ANKS4B: variants seen among roughly 807,000 people sequenced by gnomAD.
The protein encoded by ANKS4B is ankyrin repeat and sterile alpha motif domain containing 4B.
Under a neutral mutation model 20.2 loss-of-function variants are expected in ANKS4B, and 21 were observed. The observed-to-expected ratio is 1.04, with a 90% CI of 0.74 to 1.50. ANKS4B has a LOEUF of 1.50. ANKS4B is among the 40% of genes most tolerant of loss of function. The probability of loss-of-function intolerance (pLI) is 0.00; values close to 1 mark genes in which losing one functional copy is unlikely to be tolerated. For synonymous variants in ANKS4B, 179 were observed against 194.5 expected, an observed-to-expected ratio of 0.92 and a Z score of 0.66; for missense variants, 473 against 494.6, an observed-to-expected ratio of 0.96 and a Z score of 0.41.
At chr16:21,247,070 CTTTT>C (rs766409434) in intron 1 of ANKS4B, among the ~76,000 whole-genome samples, 1 of 139,286 alleles carries the variant, frequency 7.2e-6, no homozygotes, top group Non-Finnish European at 1.6e-5. Flanking sequence ...TTTTGGTTTG[CTTTT>C]TTTTTTTTTT....
chr16:21,237,311 G>A (rs2093321410), intron 1 of ANKS4B, among the ~76,000 whole-genome samples: 1 of 152,126 alleles, frequency 6.6e-6, no homozygotes, highest in Non-Finnish European at 1.5e-5. Flanking sequence ...GTGAGCCACC[G>A]GGCCTGGCCA....
At chr16:21,242,034 TA>T (rs1335189632) in intron 1 of ANKS4B, among the ~76,000 whole-genome samples, 1 of 152,120 alleles carries the variant, frequency 6.6e-6, no homozygotes, top group Non-Finnish European at 1.5e-5. Flanking sequence ...CCCATCTCTA[TA>T]AAAAATAAAT....
Position 21,250,915 on chromosome 16 carries a change from G to C in ANKS4B, c.*95G>C, listed in dbSNP as rs2093338697. The C allele has an allele frequency of 6.7e-7, 1 of 1,483,332 alleles. No homozygotes were observed. 91.9% of individuals were successfully genotyped at this position (1,483,332 alleles called of 1,614,324 possible). A position where few individuals can be genotyped will look rare whatever the true frequency, so the allele number is the denominator to read the frequency against. Reference sequence around the variant, plus strand: ...TCTTTACCCAATGCCAGACCACTGGGAATGGATTCTAGGGCATCGGAAATG... The same window carrying C: ...TCTTTACCCAATGCCAGACCACTGGCAATGGATTCTAGGGCATCGGAAATG... On this transcript the variant is annotated 3_prime_UTR_variant, in exon 2 of 2. Transcript: ENST00000311620.
chr16:21,237,309 C>G (rs2093321399), intron 1 of ANKS4B, among the ~76,000 whole-genome samples: 1 of 152,208 alleles, frequency 6.6e-6, no homozygotes, highest in Non-Finnish European at 1.5e-5. Flanking sequence ...GTGTGAGCCA[C>G]CGGGCCTGGC....
chr16:21,235,539 G>T (rs960233084), intron 1 of ANKS4B, among the ~76,000 whole-genome samples: 1 of 152,194 alleles, frequency 6.6e-6, no homozygotes, highest in African/African-American at 2.4e-5. Context: ...AACAGTCGGA[G>T]AGAATGTTTG....
chr16:21,241,457 A>G (rs998019852), intron 1 of ANKS4B, among the ~76,000 whole-genome samples: 8 of 152,182 alleles, frequency 5.3e-5, no homozygotes, highest in Admixed American at 5.2e-4. Context: ...TCTGTCATCC[A>G]GGCTGGAGTG....
chr16:21,249,975 G>T lies in ANKS4B; in HGVS notation c.409G>T (p.Glu137Ter). ...MNPKKVTRLK[E>*]QAQKNARRQI... ...CCCCAAGAAGGTCACCAGGCTGAAG[G>T]AGCAGGCTCAGAAGAATGCCAGGAG... The change falls in exon 2 of 2, where the codon GAG (glutamate) becomes TAG (stop). Residue 137 changes from glutamate to a stop codon, truncating the protein, a stop_gained. Transcript: ENST00000311620. LOFTEE classifies it high-confidence loss of function. 6.2e-7 allele frequency: 1 copy of T among 1,614,210 alleles called. No homozygotes were observed. The highest frequency in any genetic ancestry group is 1.1e-5 in the South Asian group (1 of 91,076).
chr16:21,250,840 G>A lies in ANKS4B; in HGVS notation c.*20G>A. ...CTGTGATGGAGAGTTTTGGCCTGGA[G>A]CATTGGGGTGATGCTGTGGCCCGCT... is the stretch of plus-strand genomic sequence containing the variant. On this transcript the variant is annotated 3_prime_UTR_variant, in exon 2 of 2. Transcript: ENST00000311620. 6.4e-7 allele frequency: 1 copy of A among 1,567,122 alleles called. No individual in the cohort carries two copies. The highest frequency in any genetic ancestry group is 2.3e-5 in the East Asian group (1 of 44,110).
At chr16:21,243,431 G>A (rs2093328660) in intron 1 of ANKS4B, among the ~76,000 whole-genome samples, 1 of 152,174 alleles carries the variant, frequency 6.6e-6, no homozygotes, top group East Asian at 1.9e-4. Flanking sequence ...GTATGCAATG[G>A]TTCTATCAAG....
chr16:21,249,767 T>A lies in ANKS4B; in HGVS notation c.201T>A (p.Thr67=). The A allele has an allele frequency of 6.2e-7, 1 of 1,614,026 alleles. No homozygotes were observed. Among genetic ancestry groups the A allele is most frequent in the Non-Finnish European group, 8.5e-7 (1 of 1,179,960 alleles). Residue 67 remains threonine (T), a synonymous_variant, in exon 2 of 2, where the codon ACT becomes ACA. Coordinates refer to ENST00000311620, the MANE Select transcript of ANKS4B (RefSeq NM_145865.3). ...ATAGGTGTGACATCTGGGGAAACAC[T>A]CCTCTACATTTTGCAGCCTCCAATG... ...DPDRCDIWGN[T]PLHFAASNGH...
chr16:21,237,241 G>A lies in ANKS4B; in HGVS notation c.164+3340G>A, dbSNP rs185441554. On this transcript the variant is annotated intron_variant, in intron 1 of 1. Transcript: ENST00000311620. ...TCACCATGTTGGCCAGGCTGGTCTCGAACTCCTGACCTCAGGTGATTTGCC... is the reference window on the plus strand; with the variant it reads ...TCACCATGTTGGCCAGGCTGGTCTCAAACTCCTGACCTCAGGTGATTTGCC... Among the ~76,000 whole-genome samples, 783 of 152,096 alleles carry A rather than the reference G, an allele frequency of 5.1e-3. 3 individuals are homozygous for A. The highest frequency in any genetic ancestry group is 6.9e-3 in the Non-Finnish European group (471 of 67,998).
rs938970076 is a variant in ANKS4B at position 21,253,022 on chromosome 16, CAAAAAAAAAAAAA to C, written c.*2211_*2223del. On this transcript the variant is annotated 3_prime_UTR_variant, in exon 2 of 2. Coordinates refer to ENST00000311620, the MANE Select transcript of ANKS4B (RefSeq NM_145865.3). ...CCAGGCGGTAAGAGAGACTCCATCT[CAAAAAAAAAAAAA>C]AAAAAAAAGAAAAAAGAAACTGACA... The C allele has an allele frequency of 1.5e-5, 1 of 65,770 alleles. No homozygotes were observed. The highest frequency in any genetic ancestry group is 6.2e-5 in the African/African-American group (1 of 16,200). 4.1% of individuals were successfully genotyped at this position (65,770 alleles called of 1,614,324 possible).
At chr16:21,234,654 A>C (rs980527885) in intron 1 of ANKS4B, among the ~76,000 whole-genome samples, 1 of 152,142 alleles carries the variant, frequency 6.6e-6, no homozygotes, top group African/African-American at 2.4e-5. Context: ...GACAAGGTAA[A>C]TAAAGGAGCC....
intron 1 of ANKS4B, among the ~76,000 whole-genome samples, chr16:21,234,894 G>C (rs1398246801): frequency 1.3e-5 from 2 of 152,202 alleles, no homozygotes; most frequent in South Asian, 2.1e-4. Flanking sequence ...CTGTCACTCA[G>C]GCTGGAGTGC....
intron 1 of ANKS4B, among the ~76,000 whole-genome samples, chr16:21,244,916 T>C (rs1032322514): frequency 6.6e-6 from 1 of 152,110 alleles, no homozygotes; most frequent in Non-Finnish European, 1.5e-5. Context: ...TCTTTCCCCT[T>C]ACCCCCAACT....
intron 1 of ANKS4B, among the ~76,000 whole-genome samples, chr16:21,238,157 G>A (rs886784609): frequency 1.3e-5 from 2 of 152,168 alleles, no homozygotes; most frequent in Admixed American, 6.5e-5. Context: ...GCAACAGAGT[G>A]AGACTCTGTC....
chr16:21,238,289 C>G (rs563260761), intron 1 of ANKS4B, among the ~76,000 whole-genome samples: 31 of 152,282 alleles, frequency 2.0e-4, no homozygotes, highest in African/African-American at 7.5e-4. Context: ...CATTGGATTG[C>G]CACTTTTGTG....
chr16:21,246,492 AC>A (rs2093332552), intron 1 of ANKS4B, among the ~76,000 whole-genome samples: 1 of 152,186 alleles, frequency 6.6e-6, no homozygotes, highest in Non-Finnish European at 1.5e-5. Flanking sequence ...GAATGTTAGT[AC>A]AGGTTTTTGA....
At chr16:21,246,667 T>G (rs1045170857) in intron 1 of ANKS4B, among the ~76,000 whole-genome samples, 2 of 152,232 alleles carry the variant, frequency 1.3e-5, no homozygotes, top group Admixed American at 6.5e-5. Flanking sequence ...CCAGTTGTGT[T>G]AATCTAGGAT....
Sources: allele counts gnomAD v4.1 joint callset (sites outside exome capture counted in the v4.1 genomes callset), GRCh38; gene constraint gnomAD v4.1.1; transcripts MANE v1.5; gene names NCBI Gene and HGNC (gene_info 2026-07-23, HGNC 2026-07-21).